GULP1: variants seen among roughly 807,000 people sequenced by gnomAD.
GULP1 encodes the protein GULP PTB domain containing engulfment adaptor 1.
A neutral mutation model predicts 40.9 loss-of-function variants in GULP1; 19 were observed. The ratio of observed to expected loss-of-function variants is 0.46; its 90% confidence interval spans 0.32 to 0.68. GULP1 has a LOEUF of 0.68. Ranked by LOEUF, GULP1 falls within the 30% of genes least tolerant of loss-of-function variation. The probability of loss-of-function intolerance (pLI) is 0.03; values close to 1 mark genes in which losing one functional copy is unlikely to be tolerated. For missense variants in GULP1, 312 were observed against 362.2 expected (o/e 0.86, Z 1.12); for synonymous variants, 119 against 117.6 (o/e 1.01, Z -0.08).
intron 2 of GULP1, among the ~76,000 whole-genome samples, chr2:188,454,102 C>G (rs970780789): frequency 3.3e-5 from 5 of 152,180 alleles, no homozygotes; most frequent in African/African-American, 1.2e-4. Flanking sequence ...ACTCAGCCTG[C>G]CTGTGTTATA....
intron 6 of GULP1, among the ~76,000 whole-genome samples, chr2:188,534,491 A>T (rs886653511): frequency 5.3e-5 from 8 of 151,460 alleles, no homozygotes; most frequent in Admixed American, 3.9e-4. Context: ...TACCAGAGGG[A>T]GAAGGAAGGA....
intron 2 of GULP1, among the ~76,000 whole-genome samples, chr2:188,449,601 A>G (rs2058675224): frequency 6.6e-6 from 1 of 152,200 alleles, no homozygotes; most frequent in Non-Finnish European, 1.5e-5. Context: ...AGTATAGAGT[A>G]TGGAGTACAA....
intron 10 of GULP1, among the ~76,000 whole-genome samples, chr2:188,586,593 C>T (rs900807559): frequency 6.6e-6 from 1 of 152,122 alleles, no homozygotes; most frequent in Non-Finnish European, 1.5e-5. Context: ...ATTAGGATAG[C>T]CCTGGCTTAT....
chr2:188,376,287 C>T (rs2048289412), intron 1 of GULP1, among the ~76,000 whole-genome samples: 1 of 152,132 alleles, frequency 6.6e-6, no homozygotes, highest in African/African-American at 2.4e-5. Context: ...TTTAAAAACA[C>T]CTGTGATAAT....
intron 11 of GULP1, chr2:188,590,774 A>C (rs1703396863): frequency 6.6e-6 from 1 of 152,192 alleles, no homozygotes. Flanking sequence ...GAGCTATAAT[A>C]ATTTAATACA....
chr2:188,432,864 C>G (rs1256060201), intron 2 of GULP1, among the ~76,000 whole-genome samples: 2 of 151,932 alleles, frequency 1.3e-5, no homozygotes, highest in Non-Finnish European at 2.9e-5. Context: ...AATACATGTC[C>G]CTACACATAA....
chr2:188,297,506 C>T (rs971865979), intron 1 of GULP1: 1 of 483,942 alleles, frequency 2.1e-6, no homozygotes. Context: ...ATCCACCAGT[C>T]CTCCAGGAAC....
chr2:188,344,145 G>A (rs773094012), intron 1 of GULP1, among the ~76,000 whole-genome samples: 31 of 152,260 alleles, frequency 2.0e-4, no homozygotes, highest in Non-Finnish European at 3.7e-4. Context: ...CATATATAAC[G>A]TGGCAGTAGG....
chr2:188,381,534 TC>T (rs1405999211), intron 1 of GULP1, among the ~76,000 whole-genome samples: 1 of 152,210 alleles, frequency 6.6e-6, no homozygotes, highest in Non-Finnish European at 1.5e-5. Context: ...GAAAATATTT[TC>T]TTTTATAAAA....
intron 2 of GULP1, among the ~76,000 whole-genome samples, chr2:188,421,620 T>A (rs1186355446): frequency 6.6e-6 from 1 of 152,204 alleles, no homozygotes; most frequent in Non-Finnish European, 1.5e-5. Flanking sequence ...AGGATAGCTT[T>A]TGCAAATCTT....
At chr2:188,467,124 A>T (rs1458266827) in intron 2 of GULP1, among the ~76,000 whole-genome samples, 1 of 152,106 alleles carries the variant, frequency 6.6e-6, no homozygotes, top group African/African-American at 2.4e-5. Flanking sequence ...AAAAAAAAAA[A>T]GCTTGTGGCA....
At chr2:188,522,176 G>T (rs1330197229) in intron 4 of GULP1, among the ~76,000 whole-genome samples, 1 of 151,924 alleles carries the variant, frequency 6.6e-6, no homozygotes, top group Non-Finnish European at 1.5e-5. Context: ...GTATATCTTG[G>T]CTATTAAAAG....
intron 2 of GULP1, among the ~76,000 whole-genome samples, chr2:188,411,717 C>A (rs964176734): frequency 3.3e-5 from 5 of 152,194 alleles, no homozygotes; most frequent in Admixed American, 3.3e-4. Context: ...AGTTCCTGAC[C>A]ATCCAGCCAA....
chr2:188,569,510 G>A, intron 8 of GULP1, 155 bp downstream of exon 8: 1 of 636,772 alleles, frequency 1.6e-6, no homozygotes, highest in Non-Finnish European at 2.8e-6. Flanking sequence ...TTTCGTTCCT[G>A]ATCCCCTGCA....
intron 7 of GULP1, among the ~76,000 whole-genome samples, chr2:188,568,032 T>G (rs1409590804): frequency 1.3e-5 from 2 of 152,146 alleles, no homozygotes; most frequent in Non-Finnish European, 2.9e-5. Context: ...CTTTTTTCTT[T>G]TCTTTTGTAA....
chr2:188,339,034 G>T lies in GULP1; in HGVS notation c.-171-44729G>T, dbSNP rs1030009251. On this transcript the variant is annotated intron_variant, in intron 1 of 11. Coordinates refer to ENST00000409830, the MANE Select transcript of GULP1 (RefSeq NM_016315.4). ...TAGCAAAGAAAATCCATCTTCCAGT[G>T]CCTCTGTAGGTAAAAATGGTGATTG... 2.0e-5 allele frequency among the ~76,000 whole-genome samples: 3 copies of T among 152,154 alleles called. No individual in the cohort carries two copies. The East Asian group carries it at 5.8e-4, about 29-fold the overall frequency.
At chr2:188,521,084 G>A (rs2065720665) in intron 4 of GULP1, among the ~76,000 whole-genome samples, 2 of 151,968 alleles carry the variant, frequency 1.3e-5, no homozygotes, top group East Asian at 3.9e-4. Context: ...CATAGGAGAA[G>A]TGATTAATTC....
intron 2 of GULP1, among the ~76,000 whole-genome samples, chr2:188,439,236 A>C (rs2057708827): frequency 2.6e-5 from 4 of 152,140 alleles, no homozygotes; most frequent in Admixed American, 2.6e-4. Context: ...TAAAGATTAA[A>C]ATTTAAAACA....
At chr2:188,535,771 A>G (rs1399044286) in intron 6 of GULP1, among the ~76,000 whole-genome samples, 1 of 152,044 alleles carries the variant, frequency 6.6e-6, no homozygotes, top group Non-Finnish European at 1.5e-5. Context: ...GAAATCTCCA[A>G]ACTTCTCTCC....
Sources: gnomAD v4.1 joint callset for allele counts (sites outside exome capture counted in the v4.1 genomes callset) on GRCh38, gnomAD v4.1.1 for gene constraint, MANE v1.5 for transcripts, NCBI Gene and HGNC (gene_info 2026-07-23, HGNC 2026-07-21) for gene names.